The following PLCB1 variants were observed in gnomAD, a reference collection of about 807,000 sequenced individuals.
PLCB1 encodes the protein phospholipase C beta 1.
In PLCB1, 46 loss-of-function variants were observed where a neutral mutation model predicts 161.8. The observed-to-expected ratio is 0.28, with a 90% CI of 0.22 to 0.36. PLCB1 has a LOEUF of 0.36. Ranked by LOEUF, PLCB1 falls within the 10% of genes least tolerant of loss-of-function variation. The pLI is 1.00. For missense variants in PLCB1, 1,016 were observed against 1,472.5 expected (o/e 0.69, Z 5.07); for synonymous variants, 517 against 503.7 (o/e 1.03, Z -0.35).
chr20:8,137,268 A>G (rs982502994), intron 1 of PLCB1, among the ~76,000 whole-genome samples: 2 of 152,182 alleles, frequency 1.3e-5, no homozygotes, highest in African/African-American at 4.8e-5. Context: ...ACAAGATGAC[A>G]CTCACAAGAT....
chr20:8,477,414 T>G (rs983920530), intron 3 of PLCB1, among the ~76,000 whole-genome samples: 1 of 152,192 alleles, frequency 6.6e-6, no homozygotes, highest in African/African-American at 2.4e-5. Context: ...ACATTGATTA[T>G]ATCCTTCCTG....
intron 3 of PLCB1, among the ~76,000 whole-genome samples, chr20:8,508,228 C>T (rs1351889377): frequency 6.6e-6 from 1 of 152,178 alleles, no homozygotes; most frequent in Non-Finnish European, 1.5e-5. Context: ...GGAAAATAAA[C>T]TCCTTCCTGG....
chr20:8,440,313 A>G (rs941215766), intron 3 of PLCB1, among the ~76,000 whole-genome samples: 3 of 152,304 alleles, frequency 2.0e-5, no homozygotes, highest in South Asian at 2.1e-4. Context: ...CATAGCTAGT[A>G]TTGATATGGG....
chr20:8,698,396 C>G (rs1166976728), intron 11 of PLCB1, among the ~76,000 whole-genome samples: 1 of 152,058 alleles, frequency 6.6e-6, no homozygotes, highest in Non-Finnish European at 1.5e-5. Flanking sequence ...TTATGACTTG[C>G]TTTTTTCACT....
At chr20:8,585,794 GT>G (rs1203195783) in intron 3 of PLCB1, among the ~76,000 whole-genome samples, 9 of 152,136 alleles carry the variant, frequency 5.9e-5, no homozygotes. Context: ...TGACCAAATA[GT>G]ATCTTTTTAT....
At chr20:8,615,556 C>T (rs1236256024) in intron 3 of PLCB1, among the ~76,000 whole-genome samples, 3 of 152,180 alleles carry the variant, frequency 2.0e-5, no homozygotes, top group Non-Finnish European at 4.4e-5. Context: ...TGTGTCACCT[C>T]TCTTTGAATC....
intron 3 of PLCB1, among the ~76,000 whole-genome samples, chr20:8,411,242 A>C (rs938867377): frequency 6.6e-6 from 1 of 152,216 alleles, no homozygotes; most frequent in East Asian, 1.9e-4. Context: ...GTATGAAAAA[A>C]GGGATGCAAA....
chr20:8,193,159 T>A (rs935311337), intron 2 of PLCB1, among the ~76,000 whole-genome samples: 18 of 151,950 alleles, frequency 1.2e-4, no homozygotes, highest in African/African-American at 4.1e-4. Flanking sequence ...ATAGGCACAT[T>A]CACATATTGC....
chr20:8,186,150 C>A (rs2051902776), intron 2 of PLCB1, among the ~76,000 whole-genome samples: 1 of 152,056 alleles, frequency 6.6e-6, no homozygotes, highest in Non-Finnish European at 1.5e-5. Context: ...CTGATTTTAT[C>A]CCAAAGTTTG....
chr20:8,379,562 C>A (rs776106414), intron 3 of PLCB1, among the ~76,000 whole-genome samples: 20 of 152,158 alleles, frequency 1.3e-4, no homozygotes, highest in Non-Finnish European at 1.3e-4. Flanking sequence ...ATTTACATTC[C>A]CACCAACAGT....
At chr20:8,591,349 A>T (rs1987145824) in intron 3 of PLCB1, among the ~76,000 whole-genome samples, 1 of 152,180 alleles carries the variant, frequency 6.6e-6, no homozygotes. Context: ...CCAGGGAGAC[A>T]AAGTAGATAA....
At chr20:8,194,598 T>C (rs1466941242) in intron 2 of PLCB1, among the ~76,000 whole-genome samples, 1 of 152,028 alleles carries the variant, frequency 6.6e-6, no homozygotes, top group East Asian at 1.9e-4. Flanking sequence ...AAAATTATGA[T>C]GAATAATAGA....
At chr20:8,754,139 G>A (rs375168877) in intron 23 of PLCB1, among the ~76,000 whole-genome samples, 5 of 152,234 alleles carry the variant, frequency 3.3e-5, no homozygotes, top group African/African-American at 1.2e-4. Context: ...ACATCTATCT[G>A]CTTTTTAAAA....
At chr20:8,552,287 C>T (rs763034218) in intron 3 of PLCB1, among the ~76,000 whole-genome samples, 16 of 152,096 alleles carry the variant, frequency 1.1e-4, no homozygotes, top group Non-Finnish European at 2.1e-4. Context: ...CCAGATGTAA[C>T]GTACAGCTTT....
Position 8,864,560 on chromosome 20 carries a change from A to T in PLCB1, c.3424-17062A>T, listed in dbSNP as rs112176725. 2.2e-3 allele frequency among the ~76,000 whole-genome samples: 329 copies of T among 152,344 alleles called. 1 individual carries two copies. The highest frequency in any genetic ancestry group is 9.5e-3 in the South Asian group (46 of 4,828). ...TTTGGACACATGAATGAATAAATCAATGAATGTGTGAGGGAGAGGAGGCCA... is the reference window on the plus strand; with the variant it reads ...TTTGGACACATGAATGAATAAATCATTGAATGTGTGAGGGAGAGGAGGCCA... On this transcript the variant is annotated intron_variant, in intron 31 of 31. Transcript: ENST00000338037.
intron 3 of PLCB1, among the ~76,000 whole-genome samples, chr20:8,436,179 A>G (rs935096035): frequency 1.3e-5 from 2 of 152,126 alleles, no homozygotes; most frequent in Non-Finnish European, 2.9e-5. Flanking sequence ...TACTAAAAAC[A>G]CAAAAAAGTT....
chr20:8,397,023 T>C (rs938124441), intron 3 of PLCB1, among the ~76,000 whole-genome samples: 1 of 152,090 alleles, frequency 6.6e-6, no homozygotes, highest in East Asian at 1.9e-4. Context: ...ATTGTAATCC[T>C]AGCAGTGAGA....
chr20:8,840,640 A>G (rs887766212), intron 31 of PLCB1, among the ~76,000 whole-genome samples: 10 of 152,182 alleles, frequency 6.6e-5, no homozygotes, highest in African/African-American at 1.4e-4. Flanking sequence ...TTTGGAGGCA[A>G]TATCTTCATA....
intron 22 of PLCB1, 24 bp downstream of exon 22, chr20:8,740,472 A>G (rs754437548): frequency 3.1e-6 from 4 of 1,277,790 alleles, no homozygotes; most frequent in Non-Finnish European, 3.3e-6. Context: ...CTCAAATACC[A>G]CTTTACTCAA....
Sources: allele counts gnomAD v4.1 joint callset (sites outside exome capture counted in the v4.1 genomes callset), GRCh38; gene constraint gnomAD v4.1.1; transcripts MANE v1.5; gene names NCBI Gene and HGNC (gene_info 2026-07-23, HGNC 2026-07-21).